The following AP1S3 variants were observed in gnomAD, a reference collection of about 807,000 sequenced individuals.
AP1S3 encodes AP-1 complex subunit sigma-3.
Under a neutral mutation model 20.9 loss-of-function variants are expected in AP1S3, and 10 were observed. That is an observed-to-expected ratio of 0.48 (90% CI 0.29 to 0.81). The LOEUF is 0.81. AP1S3 is among the 30% of genes least tolerant of loss of function. The probability of loss-of-function intolerance (pLI) is 0.08; values close to 1 mark genes in which losing one functional copy is unlikely to be tolerated. For missense variants in AP1S3, 154 were observed against 183.8 expected, an observed-to-expected ratio of 0.84 and a Z score of 0.94; for synonymous variants, 41 against 61.5, an observed-to-expected ratio of 0.67 and a Z score of 1.56.
intron 1 of AP1S3, among the ~76,000 whole-genome samples, chr2:223,819,305 A>G (rs1405040322): frequency 6.6e-6 from 1 of 152,228 alleles, no homozygotes; most frequent in Non-Finnish European, 1.5e-5. Context: ...TGAACTGCAT[A>G]AAGCTTTTTT....
chr2:223,832,127 T>G (rs1692278357), intron 1 of AP1S3, among the ~76,000 whole-genome samples: 2 of 83,330 alleles, frequency 2.4e-5, no homozygotes, highest in African/African-American at 1.2e-4. Flanking sequence ...ATTAAAGGAG[T>G]TTTCTCTCTG....
Position 223,758,583 on chromosome 2 carries a change from T to C in AP1S3, c.*132A>G. On this transcript the variant is annotated 3_prime_UTR_variant, in exon 5 of 5. Coordinates refer to ENST00000396654, the MANE Select transcript of AP1S3 (RefSeq NM_001039569.2). The stretch of plus-strand genomic sequence containing the variant: ...AATATGTTAAACAACTTTAACTTTG[T>C]TAGTTAACAAAGAATCCCTTTAAAT... 2.5e-5 allele frequency: 34 copies of C among 1,364,232 alleles called. No homozygotes were observed. Among genetic ancestry groups the C allele is most frequent in the Non-Finnish European group, 3.2e-5 (34 of 1,056,994 alleles). 84.5% of individuals were successfully genotyped at this position (1,364,232 alleles called of 1,614,324 possible).
chr2:223,798,796 GT>G (rs1325182200), intron 1 of AP1S3, among the ~76,000 whole-genome samples: 2 of 152,198 alleles, frequency 1.3e-5, no homozygotes, highest in African/African-American at 4.8e-5. Flanking sequence ...TTGCAGCTGG[GT>G]GCAGTGGCTC....
At chr2:223,790,767 G>A (rs912142434) in intron 1 of AP1S3, among the ~76,000 whole-genome samples, 1 of 152,144 alleles carries the variant, frequency 6.6e-6, no homozygotes, top group African/African-American at 2.4e-5. Context: ...ATCTGTGTGT[G>A]TGTGTTGTGA....
At chr2:223,812,422 A>T (rs985816799) in intron 1 of AP1S3, among the ~76,000 whole-genome samples, 8 of 152,126 alleles carry the variant, frequency 5.3e-5, no homozygotes, top group African/African-American at 1.9e-4. Flanking sequence ...GGGTTTTGCC[A>T]TGTTAGCCAG....
chr2:223,833,963 C>A (rs562898827), intron 1 of AP1S3, among the ~76,000 whole-genome samples: 86 of 151,996 alleles, frequency 5.7e-4, no homozygotes, highest in Middle Eastern at 3.4e-3. Context: ...GGCTGGAGTG[C>A]AATGGCACGA....
At chr2:223,759,258 GAC>G (rs1177686092) in intron 4 of AP1S3, among the ~76,000 whole-genome samples, 1 of 150,872 alleles carries the variant, frequency 6.6e-6, no homozygotes, top group African/African-American at 2.5e-5. Context: ...CAGCCTGGGT[GAC>G]AGAGTGAGAC....
Position 223,812,621 on chromosome 2 carries a change from T to C in AP1S3, c.3+24827A>G, listed in dbSNP as rs1691758819. 2.6e-5 allele frequency among the ~76,000 whole-genome samples: 4 copies of C among 152,182 alleles called. 1 individual carries two copies. In the South Asian group the frequency reaches 8.3e-4, roughly 31 times the overall value. On this transcript the variant is annotated intron_variant, in intron 1 of 4. Coordinates refer to ENST00000396654, the MANE Select transcript of AP1S3 (RefSeq NM_001039569.2). Reference sequence around the variant, plus strand: ...GGCTTTTTTGTTTTGGGGATTTTTTTCTAAACACGGAAACTTTAGTTCTGA... The same window carrying C: ...GGCTTTTTTGTTTTGGGGATTTTTTCCTAAACACGGAAACTTTAGTTCTGA...
intron 1 of AP1S3, among the ~76,000 whole-genome samples, chr2:223,831,774 T>A (rs1574735553): frequency 6.6e-6 from 1 of 152,030 alleles, no homozygotes; most frequent in African/African-American, 2.4e-5. Context: ...CATGAAGACA[T>A]CAAGAAGTAC....
At chr2:223,777,601 G>T in intron 2 of AP1S3, 90 bp downstream of exon 2, 3 of 1,144,720 alleles carry the variant, frequency 2.6e-6, no homozygotes, top group African/African-American at 1.6e-5. Flanking sequence ...TTCAGTAAAT[G>T]ATGGAATTGG....
chr2:223,823,302 C>T (rs1434596976), intron 1 of AP1S3, among the ~76,000 whole-genome samples: 2 of 152,156 alleles, frequency 1.3e-5, no homozygotes, highest in Non-Finnish European at 1.5e-5. Context: ...AGGTTCATTG[C>T]CTCACTCTTC....
chr2:223,825,300 G>T (rs1273484574), intron 1 of AP1S3, among the ~76,000 whole-genome samples: 2 of 141,592 alleles, frequency 1.4e-5, no homozygotes, highest in Non-Finnish European at 3.1e-5. Flanking sequence ...GTGACAGAGG[G>T]AGACTCCGTC....
intron 1 of AP1S3, among the ~76,000 whole-genome samples, chr2:223,835,258 G>A (rs185051602): frequency 9.8e-5 from 15 of 152,340 alleles, no homozygotes; most frequent in Admixed American, 2.0e-4. Context: ...AAAATGCAAT[G>A]AGCATAACAG....
intron 1 of AP1S3, among the ~76,000 whole-genome samples, chr2:223,778,276 C>T (rs12611668): frequency 0.075 from 11,394 of 151,930 alleles, 610 homozygotes; most frequent in East Asian, 0.17. Context: ...CAGGTGCCCA[C>T]CTCCATGCCC....
intron 1 of AP1S3, among the ~76,000 whole-genome samples, chr2:223,824,320 GA>G (rs1455236772): frequency 6.6e-6 from 1 of 151,834 alleles, no homozygotes; most frequent in Non-Finnish European, 1.5e-5. Context: ...GTTTTTTAAA[GA>G]TACACAAAAA....
chr2:223,821,136 CTTTA>C (rs1362199062), intron 1 of AP1S3, among the ~76,000 whole-genome samples: 1 of 152,132 alleles, frequency 6.6e-6, no homozygotes, highest in Non-Finnish European at 1.5e-5. Flanking sequence ...GTTTTGTTAA[CTTTA>C]TTTATCTATC....
At chr2:223,758,813 AAAT>A in intron 4 of AP1S3, 63 bp from the exon 5 acceptor site, 1 of 1,380,046 alleles carries the variant, frequency 7.2e-7, no homozygotes, top group Non-Finnish European at 1.0e-6. Context: ...GCAGACTGTG[AAAT>A]CTTCTGCATT....
At position 223,758,758 on chromosome 2, in the gene AP1S3, C is replaced by T. The variant is rs184644015; in HGVS notation, c.430-8G>A. ...CATGTATTCTTCCATTGTCTGAAAG[C>T]GAACAATAAATTAGAACAATTTTCC... On this transcript the variant is annotated splice_region_variant and splice_polypyrimidine_tract_variant and intron_variant, in intron 4 of 4. Transcript: ENST00000396654. 3.5e-5 allele frequency: 57 copies of T among 1,606,454 alleles called. No individual in the cohort carries two copies. Among genetic ancestry groups the T allele is most frequent in the Admixed American group, 6.8e-5 (4 of 58,928 alleles).
At chr2:223,762,725 A>G (rs1199176110) in intron 4 of AP1S3, among the ~76,000 whole-genome samples, 1 of 152,148 alleles carries the variant, frequency 6.6e-6, no homozygotes, top group Non-Finnish European at 1.5e-5. Flanking sequence ...GAGCATTTGG[A>G]GATTTGAGGC....
Sources: gnomAD v4.1 joint callset for allele counts (sites outside exome capture counted in the v4.1 genomes callset) on GRCh38, gnomAD v4.1.1 for gene constraint, MANE v1.5 for transcripts, NCBI Gene and HGNC (gene_info 2026-07-23, HGNC 2026-07-21) for gene names.